Variants in SHPRH observed in about 807,000 individuals in gnomAD.
SHPRH encodes E3 ubiquitin-protein ligase SHPRH.
A neutral mutation model predicts 202.5 loss-of-function variants in SHPRH; 106 were observed. That is an observed-to-expected ratio of 0.52 (90% CI 0.45 to 0.62). SHPRH has a LOEUF of 0.62. SHPRH is among the 20% of genes least tolerant of loss of function. SHPRH has a pLI of 0.00. For synonymous variants in SHPRH, 729 were observed against 686.0 expected (o/e 1.06, Z -0.98); for missense variants, 1,710 against 2,020.0 (o/e 0.85, Z 2.94).
At chr6:145,903,243 A>C (rs1249878498) in intron 25 of SHPRH, 1 of 151,900 alleles carries the variant, frequency 6.6e-6, no homozygotes, top group Non-Finnish European at 1.5e-5. Context: ...AGAATTTCAT[A>C]ATCAGTTTTT....
At chr6:145,929,946 A>C (rs1393159699) in intron 14 of SHPRH, among the ~76,000 whole-genome samples, 1 of 152,072 alleles carries the variant, frequency 6.6e-6, no homozygotes, top group Non-Finnish European at 1.5e-5. Flanking sequence ...GTGCTTCTAC[A>C]TTTTGTATTA....
At chr6:145,872,885 G>C (rs528178824) in intron 2 of SHPRH, among the ~76,000 whole-genome samples, 5 of 152,308 alleles carry the variant, frequency 3.3e-5, no homozygotes, top group Admixed American at 6.5e-5. Context: ...GCTTCGCAGG[G>C]ACATGGATGG....
intron 11 of SHPRH, among the ~76,000 whole-genome samples, chr6:145,936,111 G>A (rs1562343839): frequency 6.6e-6 from 1 of 151,826 alleles, no homozygotes; most frequent in East Asian, 1.9e-4. Context: ...TCTTTACTGG[G>A]CACAGTCAAT....
rs751857133 is a variant in SHPRH, at chr6:145,864,417, GCAGTTGT to G, written c.289_295del (p.Thr97ProfsTer5). ...CACCAAATCTCTCAACTGTAGAATGGCAGTTGTCAGGGACCAGGGGTGGGAGAATGGG... is the reference window on the plus strand; with the variant it reads ...CACCAAATCTCTCAACTGTAGAATGGCAGGGACCAGGGGTGGGAGAATGGG... On this transcript the variant is annotated frameshift_variant, in exon 3 of 3. Transcript: ENST00000417762. LOFTEE classifies it low-confidence loss of function (END_TRUNC). The G allele has an allele frequency of 2.4e-6, 1 of 420,226 alleles. No homozygotes were observed. Among genetic ancestry groups the G allele is most frequent in the South Asian group, 1.9e-5 (1 of 52,952 alleles). The allele number at this position is 420,226 out of a possible 1,614,324, so 26.0% of individuals were successfully genotyped here. A position where few individuals can be genotyped will look rare whatever the true frequency, so the allele number is the denominator to read the frequency against.
At position 145,919,379 on chromosome 6, in the gene SHPRH, G is replaced by A. The variant is rs1241579144; in HGVS notation, c.4121C>T (p.Pro1374Leu). 1.2e-6 allele frequency: 2 copies of A among 1,612,882 alleles called. No homozygotes were observed. The highest frequency in any genetic ancestry group is 1.3e-5 in the African/African-American group (1 of 74,800). The stretch of plus-strand genomic sequence containing the variant: ...TGGTTCAATGATATGAAGAACAGGC[G>A]GATTAGGCTTTGGCTCCCTAGGATC... ...VRDPREPKPN[P>L]PVLHIIEPHE... Residue 1374 changes from proline (P) to leucine (L), a missense_variant, in exon 22 of 30, where the codon CCG becomes CTG. Physicochemically the swap from Pro to Leu is moderately conservative, Grantham distance 98. Around this residue, in one of 8 missense-constraint regions of SHPRH, gnomAD observed 306 missense variants for 479.5 expected, o/e 0.64. Coordinates refer to ENST00000275233, the MANE Select transcript of SHPRH (RefSeq NM_001042683.3).
At chr6:145,944,080 T>G (rs1787099838) in intron 8 of SHPRH, among the ~76,000 whole-genome samples, 1 of 152,172 alleles carries the variant, frequency 6.6e-6, no homozygotes, top group South Asian at 2.1e-4. Context: ...ATTTACCTAC[T>G]ATGATTTAGT....
chr6:145,917,787 T>C (rs535473468), intron 23 of SHPRH: 1 of 169,736 alleles, frequency 5.9e-6, no homozygotes, highest in Admixed American at 6.3e-5. Flanking sequence ...AATTACAACA[T>C]ATTTTTGTAT....
Position 145,886,514 on chromosome 6 carries a change from T to C in SHPRH, c.*177A>G. ...ATCTTTATAGATCTTTTGGAAACAG[T>C]ATATTGAAAAGGACTCAATAAGTAC... On this transcript the variant is annotated 3_prime_UTR_variant, in exon 30 of 30. Coordinates refer to ENST00000275233, the MANE Select transcript of SHPRH (RefSeq NM_001042683.3). 3 of 1,111,618 alleles carry C rather than the reference T, an allele frequency of 2.7e-6. No homozygotes were observed. Among genetic ancestry groups the C allele is most frequent in the Non-Finnish European group, 4.0e-6 (3 of 758,170 alleles). The allele number at this position is 1,111,618 out of a possible 1,614,324, so 68.9% of individuals were successfully genotyped here. A position where few individuals can be genotyped will look rare whatever the true frequency, so the allele number is the denominator to read the frequency against.
Position 145,910,634 on chromosome 6 carries a change from C to T in SHPRH, c.4329G>A (p.Trp1443Ter). Residue 1443 changes from tryptophan to a stop codon, truncating the protein, a stop_gained and splice_region_variant, in exon 25 of 30, where the codon TGG (tryptophan) becomes TGA (stop). Coordinates refer to ENST00000275233, the MANE Select transcript of SHPRH (RefSeq NM_001042683.3). LOFTEE classifies it high-confidence loss of function. ...PICARQLGKQ[W>*]AVLTCGHCFC... ...AACAGTGACCACAGGTCAGTACCGC[C>T]CACTAAAAAGAAAACAGAACAAGCC... 1 of 1,601,182 alleles carries T rather than the reference C, an allele frequency of 6.2e-7. No individual in the cohort carries two copies. The highest frequency in any genetic ancestry group is 8.5e-7 in the Non-Finnish European group (1 of 1,171,802).
chr6:145,941,371 T>C (rs531786299), intron 10 of SHPRH, among the ~76,000 whole-genome samples: 1 of 152,342 alleles, frequency 6.6e-6, no homozygotes, highest in South Asian at 2.1e-4. Flanking sequence ...ATCTGCATCA[T>C]ATATAAACAG....
chr6:145,879,255 T>C (rs1780441258), intron 2 of SHPRH, among the ~76,000 whole-genome samples: 1 of 152,156 alleles, frequency 6.6e-6, no homozygotes, highest in South Asian at 2.1e-4. Flanking sequence ...ATTAAATTCT[T>C]TGATACATTT....
chr6:145,923,659 G>C lies in SHPRH; in HGVS notation c.3529C>G (p.Leu1177Val), dbSNP rs768839768. Residue 1177 changes from leucine (L) to valine (V), a missense_variant, in exon 18 of 30, where the codon CTT (leucine) becomes GTT (valine). By Grantham distance (32) the Leu-to-Val change is conservative (BLOSUM62 1). Transcript: ENST00000275233. Reference protein sequence around the residue: ...TSNYKQQTGKLSMSEKFRDCR... With the variant: ...TSNYKQQTGKVSMSEKFRDCR... ...TTTTCTTACTTCTCTGACATAGAAA[G>C]CTTGCCAGTTTGTTGCTTGTAGTTG... The C allele has an allele frequency of 6.2e-7, 1 of 1,611,618 alleles. No homozygotes were observed. The highest frequency in any genetic ancestry group is 2.2e-5 in the East Asian group (1 of 44,820).
At chr6:145,858,871 A>C in the SHPRH span, among the ~76,000 whole-genome samples, 10 of 152,040 alleles carry the variant, frequency 6.6e-5, no homozygotes, top group African/African-American at 1.9e-4. Context: ...TTCAACAGGC[A>C]TAGAGAACTG....
chr6:145,940,888 C>T (rs1786699407), intron 10 of SHPRH, 87 bp from the exon 11 acceptor site: 2 of 1,291,686 alleles, frequency 1.5e-6, no homozygotes, highest in Non-Finnish European at 2.2e-6. Context: ...GAAAAACAGC[C>T]CATTAAAAGC....
Position 145,917,807 on chromosome 6 carries a change from A to C in SHPRH, c.4254+324T>G, listed in dbSNP as rs9497428. The C allele has an allele frequency of 6.1e-3, 1,152 of 190,278 alleles. 12 individuals are homozygous for C. The highest frequency in any genetic ancestry group is 0.024 in the African/African-American group (1,044 of 43,108). 11.8% of individuals were successfully genotyped at this position (190,278 alleles called of 1,614,324 possible). ...CAACATATTTTTGTATTGATGAATG[A>C]ATGCATGTGTATAAATTGCATTATG... On this transcript the variant is annotated intron_variant, in intron 23 of 29. Coordinates refer to ENST00000275233, the MANE Select transcript of SHPRH (RefSeq NM_001042683.3).
At chr6:145,939,478 G>A (rs1224256607) in intron 11 of SHPRH, among the ~76,000 whole-genome samples, 1 of 152,054 alleles carries the variant, frequency 6.6e-6, no homozygotes, top group South Asian at 2.1e-4. Context: ...CCAACATCTT[G>A]TATCTCCAAA....
chr6:145,915,392 C>A (rs1418507805), intron 23 of SHPRH, among the ~76,000 whole-genome samples: 10 of 151,740 alleles, frequency 6.6e-5, no homozygotes, highest in Non-Finnish European at 1.5e-5. Context: ...TCATTCCTTA[C>A]TGTAGTTGCA....
chr6:145,910,560 G>T lies in SHPRH; in HGVS notation c.4403C>A (p.Ser1468Tyr). The change falls in exon 25 of 30, where the codon TCT (serine) becomes TAT (tyrosine). Residue 1468 changes from serine to tyrosine, a missense_variant. By Grantham distance (144) the Ser-to-Tyr change is moderately radical. This residue lies in a region of SHPRH where 306 missense variants were observed against 479.5 expected (regional missense o/e 0.64). Transcript: ENST00000275233. ...SIIIEQYSVG[S>Y]HRSSIKCAIC... ...TGCACACTTAATGGAGCTTCTGTGA[G>T]ATCCCACGCTGTATTGTTCAATAAT... 2 of 1,612,838 alleles carry T rather than the reference G, an allele frequency of 1.2e-6. No individual in the cohort carries two copies. The highest frequency in any genetic ancestry group is 1.7e-6 in the Non-Finnish European group (2 of 1,179,602).
intron 24 of SHPRH, 101 bp downstream of exon 24, chr6:145,913,377 A>C (rs1783667600): frequency 9.4e-7 from 1 of 1,062,722 alleles, no homozygotes; most frequent in African/African-American, 1.6e-5. Flanking sequence ...TGCCTTTCAT[A>C]GAAACTAGTG....
Sources: gnomAD v4.1 joint callset for allele counts (sites outside exome capture counted in the v4.1 genomes callset) on GRCh38, gnomAD v4.1.1 for gene constraint, gnomAD v4.1.1 regional missense constraint, MANE v1.5 for transcripts, NCBI Gene and HGNC (gene_info 2026-07-23, HGNC 2026-07-21) for gene names.